Variants in UBE2D3 observed in about 807,000 individuals in gnomAD.
The protein encoded by UBE2D3 is ubiquitin-conjugating enzyme E2 D3.
A neutral mutation model predicts 22.8 loss-of-function variants in UBE2D3; 2 were observed. That is an observed-to-expected ratio of 0.09 (90% confidence interval 0.04 to 0.28). The LOEUF is 0.28. UBE2D3 is among the 10% of genes least tolerant of loss of function. UBE2D3 has a pLI of 1.00. For synonymous variants in UBE2D3, 56 were observed against 60.4 expected (o/e 0.93, Z 0.34); for missense variants, 27 against 182.5 (o/e 0.15, Z 4.91).
intron 2 of UBE2D3, among the ~76,000 whole-genome samples, chr4:102,821,688 T>C (rs1729643496): frequency 2.0e-5 from 3 of 152,112 alleles, no homozygotes; most frequent in African/African-American, 7.2e-5. Flanking sequence ...AAAGGATAAA[T>C]GCTCGAGGTA....
chr4:102,799,087 A>C lies in UBE2D3; in HGVS notation c.398+320T>G, dbSNP rs554867086. 5.7e-6 allele frequency: 7 copies of C among 1,220,374 alleles called. No homozygotes were observed. The East Asian group carries it at 1.7e-4, about 30-fold the overall frequency. The allele number at this position is 1,220,374 out of a possible 1,614,324, so 75.6% of individuals were successfully genotyped here. On this transcript the variant is annotated intron_variant, in intron 7 of 7. Coordinates refer to ENST00000453744, the MANE Select transcript of UBE2D3 (RefSeq NM_181891.3). ...TGAGAAATTTAGACCAAATTTTTAC[A>C]ATAGTACTAACATTTTTGGAAAAAC...
intron 1 of UBE2D3, among the ~76,000 whole-genome samples, chr4:102,839,517 C>T (rs899264121): frequency 2.6e-5 from 4 of 152,194 alleles, no homozygotes; most frequent in Non-Finnish European, 2.9e-5. Context: ...AAGCAACCTG[C>T]CCGCCTCGGC....
At chr4:102,808,474 G>A (rs1387223524) in intron 4 of UBE2D3, among the ~76,000 whole-genome samples, 3 of 152,080 alleles carry the variant, frequency 2.0e-5, no homozygotes, top group Admixed American at 6.6e-5. Context: ...GATCCAGGAC[G>A]TTTCAAAGTA....
intron 6 of UBE2D3, among the ~76,000 whole-genome samples, chr4:102,800,939 C>T (rs1726058363): frequency 6.6e-6 from 1 of 151,960 alleles, no homozygotes; most frequent in South Asian, 2.1e-4. Context: ...AATTGATCTA[C>T]AGATCTTTCG....
chr4:102,821,553 T>C (rs1293480080), intron 2 of UBE2D3, among the ~76,000 whole-genome samples: 1 of 152,092 alleles, frequency 6.6e-6, no homozygotes, highest in African/African-American at 2.4e-5. Flanking sequence ...ATTTTCAAAA[T>C]TATGTGTTTC....
chr4:102,831,589 C>G (rs1376497377), upstream of UBE2D3, among the ~76,000 whole-genome samples: 4 of 152,062 alleles, frequency 2.6e-5, no homozygotes, highest in Non-Finnish European at 4.4e-5. Flanking sequence ...GAACAAAGTA[C>G]TAATACATGT....
intron 1 of UBE2D3, among the ~76,000 whole-genome samples, chr4:102,864,775 TA>T (rs1465338841): frequency 6.6e-6 from 1 of 152,240 alleles, no homozygotes; most frequent in Non-Finnish European, 1.5e-5. Context: ...TGCTAGATAT[TA>T]ACACTTACTT....
chr4:102,841,046 T>C (rs925959959), intron 1 of UBE2D3, among the ~76,000 whole-genome samples: 11 of 151,546 alleles, frequency 7.3e-5, no homozygotes, highest in Admixed American at 5.9e-4. Context: ...AGCAATTTGG[T>C]ATTAAACTGG....
chr4:102,849,965 C>A (rs1260015195), intron 1 of UBE2D3, among the ~76,000 whole-genome samples: 1 of 152,156 alleles, frequency 6.6e-6, no homozygotes, highest in Non-Finnish European at 1.5e-5. Context: ...GAAATGTCTT[C>A]ACTTGCATGT....
chr4:102,826,010 C>CCT, intron 2 of UBE2D3: 2 of 296,770 alleles, frequency 6.7e-6, no homozygotes, highest in East Asian at 9.6e-5. Flanking sequence ...GACCCTCAGT[C>CCT]AAGTTCGGGA....
At chr4:102,830,544 C>T (rs752562077), upstream of UBE2D3, among the ~76,000 whole-genome samples, 1 of 152,114 alleles carries the variant, frequency 6.6e-6, no homozygotes, top group Non-Finnish European at 1.5e-5. Context: ...CATGAATTGA[C>T]ATAAAACATG....
chr4:102,849,960 GTCT>G (rs1732257896), intron 1 of UBE2D3, among the ~76,000 whole-genome samples: 1 of 152,140 alleles, frequency 6.6e-6, no homozygotes, highest in African/African-American at 2.4e-5. Context: ...CAACAGAAAT[GTCT>G]TCACTTGCAT....
At chr4:102,808,428 A>G (rs140498305) in intron 4 of UBE2D3, among the ~76,000 whole-genome samples, 1 of 152,292 alleles carries the variant, frequency 6.6e-6, no homozygotes, top group Non-Finnish European at 1.5e-5. Context: ...TTACAGGACT[A>G]TTTTTACTGT....
At position 102,839,297 on chromosome 4, in the gene UBE2D3, C is replaced by T. The variant is rs1254275079; in HGVS notation, c.-128-12661G>A. Among the ~76,000 whole-genome samples, 6 of 152,222 alleles carry T rather than the reference C, an allele frequency of 3.9e-5. 1 individual carries two copies. The highest frequency in any genetic ancestry group is 3.9e-4 in the Admixed American group (6 of 15,278). On this transcript the variant is annotated intron_variant, in intron 1 of 7. Coordinates refer to the UBE2D3 transcript ENST00000338145. ...TTCTTACTTTTTTGAGACAGGGTCT[C>T]ACTCTGTCACCTAGGCTGGAATGCA...
chr4:102,815,811 C>A (rs1728706318), intron 2 of UBE2D3, among the ~76,000 whole-genome samples: 1 of 152,094 alleles, frequency 6.6e-6, no homozygotes, highest in Admixed American at 6.5e-5. Context: ...ACTTTAAATT[C>A]AATATAGAAA....
In UBE2D3 at chr4:102,806,867, A is replaced by G. The variant is rs549623023; in HGVS notation, c.120+2805T>C. On this transcript the variant is annotated intron_variant, in intron 4 of 7. Coordinates refer to ENST00000453744, the MANE Select transcript of UBE2D3 (RefSeq NM_181891.3). ...CCCCAAAAAAACCCACGCACACAAA[A>G]AACTAGCAATGCTGTCATTTCTTTC... 1.1e-4 allele frequency among the ~76,000 whole-genome samples: 17 copies of G among 152,262 alleles called. No individual in the cohort carries two copies. The South Asian group carries it at 3.5e-3, about 32-fold the overall frequency.
chr4:102,826,307 T>C (rs1294182154), intron 2 of UBE2D3, among the ~76,000 whole-genome samples, 178 bp downstream of exon 2: 20 of 152,186 alleles, frequency 1.3e-4, no homozygotes, highest in Admixed American at 1.3e-3. Context: ...GTGTTCTCCG[T>C]TTCCTAGCTT....
rs534347846 is a variant in UBE2D3 at position 102,827,212 on chromosome 4, C to A, written c.-129+215G>T. On this transcript the variant is annotated intron_variant, in intron 1 of 7. Coordinates refer to ENST00000453744, the MANE Select transcript of UBE2D3 (RefSeq NM_181891.3). ...CAGCCACCTCCACCACGCGCCCGCG[C>A]TGTCCCTGAGGCTCCGGCTTAGGCG... 281 of 985,252 alleles carry A rather than the reference C, an allele frequency of 2.9e-4. No homozygotes were observed. The African/African-American group carries it at 4.7e-3, about 17-fold the overall frequency. 61.0% of individuals were successfully genotyped at this position (985,252 alleles called of 1,614,324 possible).
At chr4:102,862,104 A>G (rs1480884420) in intron 1 of UBE2D3, among the ~76,000 whole-genome samples, 1 of 151,928 alleles carries the variant, frequency 6.6e-6, no homozygotes, top group Non-Finnish European at 1.5e-5. Context: ...TGATTTCAAA[A>G]TAGTTTCGCC....
Sources: allele counts gnomAD v4.1 joint callset (sites outside exome capture counted in the v4.1 genomes callset), GRCh38; gene constraint gnomAD v4.1.1; transcripts MANE v1.5; gene names NCBI Gene and HGNC (gene_info 2026-07-23, HGNC 2026-07-21).